DPAGT1: variants seen among roughly 807,000 people sequenced by gnomAD.
The protein encoded by DPAGT1 is dolichyl-phosphate N-acetylglucosaminephosphotransferase 1.
DPAGT1 carries 25 observed loss-of-function variants against 39.3 expected under a neutral mutation model. That is an observed-to-expected ratio of 0.64 (90% CI 0.46 to 0.89). The LOEUF (loss-of-function observed/expected upper bound fraction) is 0.89, where lower values mean the gene tolerates loss of function less well. Ranked by LOEUF, DPAGT1 falls within the 40% of genes least tolerant of loss-of-function variation. The probability of loss-of-function intolerance (pLI) is 0.00; values close to 1 mark genes in which losing one functional copy is unlikely to be tolerated. For missense variants in DPAGT1, 381 were observed against 500.6 expected, an observed-to-expected ratio of 0.76 and a Z score of 2.28; for synonymous variants, 193 against 201.4, an observed-to-expected ratio of 0.96 and a Z score of 0.36.
At chr11:119,095,457 G>A (rs1024333081), downstream of DPAGT1, 4 of 1,452,656 alleles carry the variant, frequency 2.8e-6, no homozygotes, top group Non-Finnish European at 3.6e-6. Flanking sequence ...CCGCCGCAGT[G>A]TAACTGCTGT....
At chr11:119,094,481 G>A (rs1386234897), downstream of DPAGT1, 1 of 152,460 alleles carries the variant, frequency 6.6e-6, no homozygotes, top group Non-Finnish European at 1.5e-5. Flanking sequence ...CCGGCCTCTC[G>A]GCCTGGACTG....
Position 119,101,738 on chromosome 11 carries a change from G to A in DPAGT1, c.-83C>T. 6.2e-7 allele frequency: 1 copy of A among 1,605,096 alleles called. No homozygotes were observed. The highest frequency in any genetic ancestry group is 8.5e-7 in the Non-Finnish European group (1 of 1,176,302). Reference sequence around the variant, plus strand: ...GCAGTCCTGAGGCCTCAGCAGTATGGAGTGGCCGCTCCCCACAGGCAGGCT... The same window carrying A: ...GCAGTCCTGAGGCCTCAGCAGTATGAAGTGGCCGCTCCCCACAGGCAGGCT... On this transcript the variant is annotated 5_prime_UTR_variant, in exon 1 of 9. Coordinates refer to ENST00000354202, the MANE Select transcript of DPAGT1 (RefSeq NM_001382.4).
Position 119,101,838 on chromosome 11 carries a change from A to G in DPAGT1, c.-183T>C. On this transcript the variant is annotated 5_prime_UTR_variant, in exon 1 of 9. Transcript: ENST00000354202. ...GTCGGGACACCGGGGAACCTCTCTA[A>G]GGCAACCTATGTTCTGCCCCGCTGC... 6.8e-7 allele frequency: 1 copy of G among 1,477,328 alleles called. No homozygotes were observed. The highest frequency in any genetic ancestry group is 9.0e-7 in the Non-Finnish European group (1 of 1,116,070). The allele number at this position is 1,477,328 out of a possible 1,614,324, so 91.5% of individuals were successfully genotyped here. A position where few individuals can be genotyped will look rare whatever the true frequency, so the allele number is the denominator to read the frequency against.
At chr11:119,094,675 G>C, downstream of DPAGT1, 1 of 281,930 alleles carries the variant, frequency 3.5e-6, no homozygotes, top group Admixed American at 5.4e-5. Context: ...TCCCCGAAGA[G>C]CGCCCAAGCC....
intron 3 of DPAGT1, 103 bp from the exon 4 acceptor site, chr11:119,100,511 C>T: frequency 6.3e-7 from 1 of 1,599,210 alleles, no homozygotes; most frequent in Non-Finnish European, 8.6e-7. Context: ...TGAAGGGCTA[C>T]CAGAAAGGAT....
In DPAGT1 at chr11:119,098,469, T is replaced by C; in HGVS notation, c.662A>G (p.His221Arg). The change falls in exon 5 of 9, where the codon CAT becomes CGT. Residue 221 changes from histidine (H) to arginine (R), a missense_variant. Physicochemically the swap from His to Arg is conservative, Grantham distance 29. Transcript: ENST00000354202. Reference protein sequence around the residue: ...VELEGDCRDDHVFSLYFMIPF... With the variant: ...VELEGDCRDDRVFSLYFMIPF... ...TATCATGAAGTAGAGGGAAAAGACA[T>C]GATCATCCCGACAATCACCTTTGGA... The C allele has an allele frequency of 1.2e-6, 2 of 1,614,090 alleles. No individual in the cohort carries two copies. The highest frequency in any genetic ancestry group is 1.7e-6 in the Non-Finnish European group (2 of 1,179,970).
chr11:119,097,064 C>G lies in DPAGT1; in HGVS notation c.1162-1G>C. On this transcript the variant is annotated splice_acceptor_variant, in intron 8 of 8. Coordinates refer to ENST00000354202, the MANE Select transcript of DPAGT1 (RefSeq NM_001382.4). LOFTEE classifies it high-confidence loss of function. This position sits in a 1 kb window ranked among gnomAD's most constrained non-coding sequence, Gnocchi z 4.6. ...AGAAGGTGATGGCACTGCCCAGGATCTGCAAGGAGAAATGGACTGGAGTAA... is the reference window on the plus strand; with the variant it reads ...AGAAGGTGATGGCACTGCCCAGGATGTGCAAGGAGAAATGGACTGGAGTAA... 6.2e-7 allele frequency: 1 copy of G among 1,614,178 alleles called. No homozygotes were observed. Among genetic ancestry groups the G allele is most frequent in the South Asian group, 1.1e-5 (1 of 91,082 alleles).
chr11:119,097,736 C>T lies in DPAGT1; in HGVS notation c.917+119G>A, dbSNP rs1272834855. ...GTGCTTTGTAAGTTATAAAGGGCTACTCACATGGAAATAGCCCTTCTTTGG... is the reference window on the plus strand; with the variant it reads ...GTGCTTTGTAAGTTATAAAGGGCTATTCACATGGAAATAGCCCTTCTTTGG... On this transcript the variant is annotated intron_variant, in intron 6 of 8. Coordinates refer to ENST00000354202, the MANE Select transcript of DPAGT1 (RefSeq NM_001382.4). The surrounding 1 kb of genome is among the most constrained non-coding windows in gnomAD (Gnocchi z 4.6). The T allele has an allele frequency of 2.7e-6, 4 of 1,473,342 alleles. No individual in the cohort carries two copies. In the South Asian group the frequency reaches 3.4e-5, roughly 13 times the overall value. The allele number at this position is 1,473,342 out of a possible 1,614,324, so 91.3% of individuals were successfully genotyped here.
rs765395801 is a variant in DPAGT1, at chr11:119,101,662, C to T, written c.-7G>A. The T allele has an allele frequency of 1.2e-5, 20 of 1,614,110 alleles. No homozygotes were observed. Among genetic ancestry groups the T allele is most frequent in the Admixed American group, 1.0e-4 (6 of 60,012 alleles). On this transcript the variant is annotated 5_prime_UTR_variant, in exon 1 of 9. Transcript: ENST00000354202. ...ATTCCGAGAAGGCCCACATGGTGAC[C>T]GGTCAGGGGCCCGGCTCCGCCGCCT...
Position 119,101,061 on chromosome 11 carries a change from T to C in DPAGT1, c.239A>G (p.Asn80Ser). The change falls in exon 2 of 9, where the codon AAC becomes AGC. Residue 80 changes from asparagine to serine, a missense_variant. Coordinates refer to ENST00000354202, the MANE Select transcript of DPAGT1 (RefSeq NM_001382.4). ...CTTACACTGCTCCTTCACAAAGCAG[T>C]TCAGGAAGGGGAAAGGGATGAAGCA... ...LFCFIPFPFL[N>S]CFVKEQCKAF... 1 of 1,613,842 alleles carries C rather than the reference T, an allele frequency of 6.2e-7. No homozygotes were observed. Among genetic ancestry groups the C allele is most frequent in the Non-Finnish European group, 8.5e-7 (1 of 1,179,964 alleles).
chr11:119,097,408 CA>C lies in DPAGT1; in HGVS notation c.1005+55del. On this transcript the variant is annotated intron_variant, in intron 7 of 8. Transcript: ENST00000354202. The surrounding 1 kb of genome is among the most constrained non-coding windows in gnomAD (Gnocchi z 4.6). The stretch of plus-strand genomic sequence containing the variant: ...GGATCTGATGTAGGACTAGGTTCCC[CA>C]TTCCTCAAGGTCAGGATGGCAGCCT... 6.2e-7 allele frequency: 1 copy of C among 1,611,682 alleles called. No homozygotes were observed.
chr11:119,101,471 C>T (rs554678223), intron 1 of DPAGT1, 24 bp downstream of exon 1: 1 of 1,613,968 alleles, frequency 6.2e-7, no homozygotes, highest in East Asian at 2.2e-5. Context: ...TGCCCCCTGC[C>T]CGGACCCGTG....
Position 119,100,723 on chromosome 11 carries a change from G to A in DPAGT1, c.403C>T (p.Pro135Ser), listed in dbSNP as rs1430423445. The stretch of plus-strand genomic sequence containing the variant: ...TTGGTGAAATAGACCATGAGGAGAG[G>A]TAGTGAGGCAGCTGTAGGTAGCAGC... ...KLLLPTAASL[P>S]LLMVYFTNFG... The change falls in exon 3 of 9, where the codon CCT (proline) becomes TCT (serine). Residue 135 changes from proline to serine, a missense_variant. Transcript: ENST00000354202. 1 of 1,614,166 alleles carries A rather than the reference G, an allele frequency of 6.2e-7. No homozygotes were observed. Among genetic ancestry groups the A allele is most frequent in the Admixed American group, 1.7e-5 (1 of 60,022 alleles).
downstream of DPAGT1, among the ~76,000 whole-genome samples, chr11:119,096,076 C>T (rs1946387504): frequency 1.3e-5 from 2 of 152,110 alleles, no homozygotes; most frequent in African/African-American, 4.8e-5. Context: ...AGGAATCCTC[C>T]CTGCTAAACC....
Position 119,100,813 on chromosome 11 carries a change from T to C in DPAGT1, c.313A>G (p.Ile105Val), listed in dbSNP as rs753217254. ...AAGCCCAGGAAGATCATGCAGCAGA[T>C]GGCAAGGAGGGCACCTATCAGGGCC... ...FVALIGALLA[I>V]CCMIFLGFAD... Residue 105 changes from isoleucine (I) to valine (V), a missense_variant, in exon 3 of 9, where the codon ATC becomes GTC. Physicochemically the swap from Ile to Val is conservative, Grantham distance 29. Coordinates refer to ENST00000354202, the MANE Select transcript of DPAGT1 (RefSeq NM_001382.4). The C allele has an allele frequency of 1.9e-6, 3 of 1,614,016 alleles. No individual in the cohort carries two copies. Among genetic ancestry groups the C allele is most frequent in the Admixed American group, 1.7e-5 (1 of 59,998 alleles).
chr11:119,098,264 G>C (rs1371555927), intron 5 of DPAGT1, 139 bp downstream of exon 5: 6 of 1,171,642 alleles, frequency 5.1e-6, no homozygotes, highest in Admixed American at 1.7e-5. Flanking sequence ...AGAAATTTCA[G>C]AATACGACCA....
At chr11:119,098,534 CT>C in intron 4 of DPAGT1, 47 bp from the exon 5 acceptor site, 1 of 1,586,614 alleles carries the variant, frequency 6.3e-7, no homozygotes, top group Non-Finnish European at 8.7e-7. Context: ...CCCACTTCCT[CT>C]GCAAACCTTG....
chr11:119,098,463 A>G lies in DPAGT1; in HGVS notation c.668T>C (p.Phe223Ser). 1 of 1,614,202 alleles carries G rather than the reference A, an allele frequency of 6.2e-7. No individual in the cohort carries two copies. Among genetic ancestry groups the G allele is most frequent in the Non-Finnish European group, 8.5e-7 (1 of 1,180,018 alleles). Reference sequence around the variant, plus strand: ...AAAGGGTATCATGAAGTAGAGGGAAAAGACATGATCATCCCGACAATCACC... The same window carrying G: ...AAAGGGTATCATGAAGTAGAGGGAAGAGACATGATCATCCCGACAATCACC... ...LEGDCRDDHVFSLYFMIPFFF... is the reference protein window; with the variant it reads ...LEGDCRDDHVSSLYFMIPFFF... The change falls in exon 5 of 9, where the codon TTT (phenylalanine) becomes TCT (serine). Residue 223 changes from phenylalanine to serine, a missense_variant. Physicochemically the swap from Phe to Ser is radical, Grantham distance 155 (BLOSUM62 -2). Coordinates refer to ENST00000354202, the MANE Select transcript of DPAGT1 (RefSeq NM_001382.4).
At chr11:119,095,218 G>A (rs958882640), downstream of DPAGT1, 6 of 1,613,832 alleles carry the variant, frequency 3.7e-6, no homozygotes, top group Non-Finnish European at 4.2e-6. Context: ...TCTCAGCGGT[G>A]AGGTACTCCA....
Sources: allele counts gnomAD v4.1 joint callset (sites outside exome capture counted in the v4.1 genomes callset), GRCh38; gene constraint gnomAD v4.1.1; non-coding constraint Gnocchi (gnomAD v3.1); transcripts MANE v1.5; gene names NCBI Gene and HGNC (gene_info 2026-07-23, HGNC 2026-07-21).